DMRT1: variants seen among roughly 807,000 people sequenced by gnomAD.
The protein encoded by DMRT1 is doublesex- and mab-3-related transcription factor 1.
Under a neutral mutation model 32.3 loss-of-function variants are expected in DMRT1, and 7 were observed. The ratio of observed to expected loss-of-function variants is 0.22; its 90% CI spans 0.12 to 0.41. DMRT1 has a LOEUF of 0.41. DMRT1 is among the 10% of genes least tolerant of loss of function. DMRT1 has a pLI of 1.00. For missense variants in DMRT1, 625 were observed against 500.5 expected, an observed-to-expected ratio of 1.25 and a Z score of -2.37; for synonymous variants, 278 against 206.1, an observed-to-expected ratio of 1.35 and a Z score of -2.99.
intron 4 of DMRT1, among the ~76,000 whole-genome samples, chr9:929,083 C>T (rs1818625086): frequency 6.6e-6 from 1 of 152,210 alleles, no homozygotes; most frequent in African/African-American, 2.4e-5. Context: ...AAGTGATCTG[C>T]CTGCCTCACC....
intron 1 of DMRT1, among the ~76,000 whole-genome samples, chr9:844,019 G>C (rs994463755): frequency 6.6e-6 from 1 of 152,170 alleles, no homozygotes; most frequent in African/African-American, 2.4e-5. Flanking sequence ...ATTATACTCT[G>C]GGCAGAAAAA....
intron 2 of DMRT1, among the ~76,000 whole-genome samples, chr9:879,600 A>G (rs1462140475): frequency 6.6e-6 from 1 of 152,216 alleles, no homozygotes; most frequent in African/African-American, 2.4e-5. Flanking sequence ...ATTCTTTGAT[A>G]CTAGACCAAA....
At chr9:847,614 C>T (rs375656544) in intron 2 of DMRT1, among the ~76,000 whole-genome samples, 1 of 152,188 alleles carries the variant, frequency 6.6e-6, no homozygotes, top group Non-Finnish European at 1.5e-5. Context: ...ATTCTCTCCC[C>T]TGGGTGCTAA....
chr9:966,185 G>A (rs1819925400), intron 4 of DMRT1, among the ~76,000 whole-genome samples: 1 of 152,060 alleles, frequency 6.6e-6, no homozygotes, highest in Non-Finnish European at 1.5e-5. Context: ...GGATTTGCAT[G>A]GAATTTAAAT....
chr9:955,260 C>T (rs1366630870), intron 4 of DMRT1, among the ~76,000 whole-genome samples: 2 of 152,070 alleles, frequency 1.3e-5, no homozygotes, highest in Non-Finnish European at 2.9e-5. Context: ...TGGTGACCAG[C>T]AGGTTACATG....
At chr9:933,270 A>G (rs191308228) in intron 4 of DMRT1, among the ~76,000 whole-genome samples, 195 of 152,306 alleles carry the variant, frequency 1.3e-3, no homozygotes, top group Non-Finnish European at 2.2e-3. Flanking sequence ...ACCAGCCCCC[A>G]TCCTGATGTT....
intron 2 of DMRT1, among the ~76,000 whole-genome samples, chr9:877,017 A>ATG (rs1564216560): frequency 7.7e-6 from 1 of 129,330 alleles, no homozygotes; most frequent in Admixed American, 9.3e-5. Context: ...TTCCAGTTAC[A>ATG]TGTGTGTCCT....
intron 2 of DMRT1, among the ~76,000 whole-genome samples, chr9:879,631 T>C (rs1816650573): frequency 6.6e-6 from 1 of 152,226 alleles, no homozygotes. Context: ...TGGTAATTGC[T>C]TAAAGATTAG....
At chr9:851,947 GTTT>G (rs34497760) in intron 2 of DMRT1, among the ~76,000 whole-genome samples, 1 of 138,062 alleles carries the variant, frequency 7.2e-6, no homozygotes. Context: ...CTTTTTTTTT[GTTT>G]TTTTTTTTTG....
chr9:964,491 G>A (rs1180078984), intron 4 of DMRT1, among the ~76,000 whole-genome samples: 1 of 151,900 alleles, frequency 6.6e-6, no homozygotes, highest in Non-Finnish European at 1.5e-5. Flanking sequence ...TATCAGATGG[G>A]CAAGTTTTCC....
At chr9:878,919 G>A (rs1192861493) in intron 2 of DMRT1, among the ~76,000 whole-genome samples, 1 of 152,280 alleles carries the variant, frequency 6.6e-6, no homozygotes, top group East Asian at 1.9e-4. Flanking sequence ...TTAGATTTCA[G>A]ATCCGATCAA....
chr9:859,920 G>C (rs1815579785), intron 2 of DMRT1, among the ~76,000 whole-genome samples: 2 of 152,210 alleles, frequency 1.3e-5, no homozygotes, highest in African/African-American at 4.8e-5. Context: ...TATAGTAACA[G>C]ATGACTTTCA....
At chr9:964,364 T>C (rs1336365657) in intron 4 of DMRT1, among the ~76,000 whole-genome samples, 1 of 152,158 alleles carries the variant, frequency 6.6e-6, no homozygotes, top group Non-Finnish European at 1.5e-5. Context: ...TAAAATAACA[T>C]CCCAGTAGCT....
intron 2 of DMRT1, among the ~76,000 whole-genome samples, chr9:878,095 G>A (rs2132623646): frequency 6.6e-6 from 1 of 152,242 alleles, no homozygotes; most frequent in South Asian, 2.1e-4. Flanking sequence ...GGCCTTCCGG[G>A]GGTGGCAGAA....
chr9:901,867 C>T (rs34962788), intron 3 of DMRT1, among the ~76,000 whole-genome samples: 40,202 of 150,290 alleles, frequency 0.27, 6,663 homozygotes, highest in Non-Finnish European at 0.37. Context: ...CCAAGGCTGC[C>T]CTCTCACCCC....
intron 2 of DMRT1, among the ~76,000 whole-genome samples, chr9:876,148 A>C (rs1397878943): frequency 1.3e-5 from 2 of 152,316 alleles, no homozygotes; most frequent in African/African-American, 4.8e-5. Flanking sequence ...CCTGGTTCCG[A>C]GTAGCTTGTG....
chr9:932,137 G>A (rs1049966682), intron 4 of DMRT1, among the ~76,000 whole-genome samples: 2 of 152,120 alleles, frequency 1.3e-5, no homozygotes. Flanking sequence ...CCAGATTGTT[G>A]CTCTTCTTTT....
intron 3 of DMRT1, among the ~76,000 whole-genome samples, chr9:910,721 C>T (rs938456146): frequency 6.6e-6 from 1 of 152,100 alleles, no homozygotes; most frequent in Non-Finnish European, 1.5e-5. Flanking sequence ...ACACCATGAG[C>T]ATCCTCCACC....
intron 2 of DMRT1, among the ~76,000 whole-genome samples, chr9:849,828 T>C (rs1236697293): frequency 1.5e-5 from 1 of 68,200 alleles, no homozygotes; most frequent in African/African-American, 4.0e-5. Context: ...TCTCTCTCTC[T>C]CTTTTTTTTT....
Sources: gnomAD v4.1 joint callset for allele counts (sites outside exome capture counted in the v4.1 genomes callset) on GRCh38, gnomAD v4.1.1 for gene constraint, MANE v1.5 for transcripts, NCBI Gene and HGNC (gene_info 2026-07-23, HGNC 2026-07-21) for gene names.